The following PPP1R13B variants were observed in gnomAD, a reference collection of about 807,000 sequenced individuals.
The protein encoded by PPP1R13B is apoptosis-stimulating of p53 protein 1.
In PPP1R13B, 44 loss-of-function variants were observed where a neutral mutation model predicts 119.8. The ratio of observed to expected loss-of-function variants is 0.37; its 90% CI spans 0.29 to 0.47. The LOEUF (loss-of-function observed/expected upper bound fraction) is 0.47, where lower values mean the gene tolerates loss of function less well. Among genes scored for constraint, PPP1R13B ranks in the 20% least tolerant of loss-of-function variants. The pLI, the probability that PPP1R13B is intolerant of heterozygous loss-of-function variation, is 0.99. For synonymous variants in PPP1R13B, 542 were observed against 561.5 expected (o/e 0.97, Z 0.49); for missense variants, 1,227 against 1,413.5 (o/e 0.87, Z 2.12).
At chr14:103,811,835 T>A (rs2086163291) in intron 1 of PPP1R13B, among the ~76,000 whole-genome samples, 1 of 151,634 alleles carries the variant, frequency 6.6e-6, no homozygotes, top group Admixed American at 6.6e-5. Flanking sequence ...GGCTGGCAGA[T>A]CATGAGGTCA....
At chr14:103,819,935 C>T (rs1242316165) in intron 1 of PPP1R13B, among the ~76,000 whole-genome samples, 1 of 152,176 alleles carries the variant, frequency 6.6e-6, no homozygotes, top group East Asian at 1.9e-4. Flanking sequence ...CAGTACTTAT[C>T]CCAGACCCAC....
At chr14:103,765,722 C>G (rs985457548) in intron 4 of PPP1R13B, among the ~76,000 whole-genome samples, 2 of 152,172 alleles carry the variant, frequency 1.3e-5, no homozygotes, top group African/African-American at 4.8e-5. Context: ...CACTTAAGAC[C>G]TAGGAGGCAA....
intron 1 of PPP1R13B, among the ~76,000 whole-genome samples, chr14:103,806,733 A>G (rs1015894923): frequency 5.3e-5 from 8 of 152,168 alleles, no homozygotes; most frequent in Non-Finnish European, 7.3e-5. Context: ...AGTTGCTGTC[A>G]TCCACACAGA....
At chr14:103,826,440 T>G (rs144214383) in intron 1 of PPP1R13B, among the ~76,000 whole-genome samples, 5 of 152,136 alleles carry the variant, frequency 3.3e-5, no homozygotes, top group African/African-American at 1.2e-4. Flanking sequence ...CATAAAGAGG[T>G]CTACTCAGGT....
At chr14:103,842,215 T>C (rs985683028) in intron 1 of PPP1R13B, among the ~76,000 whole-genome samples, 2 of 151,500 alleles carry the variant, frequency 1.3e-5, no homozygotes, top group Admixed American at 1.3e-4. Flanking sequence ...CAGAAATAAG[T>C]AGAATCATAG....
At chr14:103,783,855 T>C (rs767285657) in intron 3 of PPP1R13B, among the ~76,000 whole-genome samples, 7 of 152,322 alleles carry the variant, frequency 4.6e-5, no homozygotes, top group Non-Finnish European at 1.0e-4. Flanking sequence ...CCAGGCTTTG[T>C]TTTAAATAAT....
At chr14:103,776,701 T>A (rs573057690) in intron 4 of PPP1R13B, among the ~76,000 whole-genome samples, 4 of 152,114 alleles carry the variant, frequency 2.6e-5, no homozygotes, top group Non-Finnish European at 5.9e-5. Context: ...TGAAACCCCA[T>A]CTCTATTAAA....
At position 103,739,919 on chromosome 14, in the gene PPP1R13B, T is replaced by A. The variant is rs371609004; in HGVS notation, c.2497A>T (p.Ile833Phe). The change falls in exon 12 of 17, where the codon ATC (isoleucine) becomes TTC (phenylalanine). Residue 833 changes from isoleucine to phenylalanine, a missense_variant. Transcript: ENST00000202556. The stretch of plus-strand genomic sequence containing the variant: ...GGGGCCTCAGCCACAGGACTCGGGA[T>A]CTGCTCCGTGGTGGGGACCGTGGCC... The part of the protein sequence containing the change: ...NVATVPTTEQ[I>F]PSPVAEAPSP... 2.5e-5 allele frequency: 41 copies of A among 1,613,988 alleles called. No homozygotes were observed. Among genetic ancestry groups the A allele is most frequent in the Non-Finnish European group, 3.1e-5 (36 of 1,180,036 alleles).
chr14:103,803,166 T>C (rs1164960809), intron 1 of PPP1R13B, among the ~76,000 whole-genome samples: 1 of 152,202 alleles, frequency 6.6e-6, no homozygotes, highest in Non-Finnish European at 1.5e-5. Flanking sequence ...TTGCTTGTAT[T>C]TTAATAACAT....
At chr14:103,752,012 G>T (rs948015503) in intron 7 of PPP1R13B, among the ~76,000 whole-genome samples, 7 of 152,112 alleles carry the variant, frequency 4.6e-5, no homozygotes, top group African/African-American at 1.7e-4. Context: ...GAAAGAAGCC[G>T]GTCACAAAGG....
At chr14:103,753,998 G>A (rs2084613790) in intron 6 of PPP1R13B, 72 bp downstream of exon 6, 1 of 1,509,576 alleles carries the variant, frequency 6.6e-7, no homozygotes, top group African/African-American at 1.4e-5. Context: ...TGAATTGTCA[G>A]GCAGTTAGAC....
At chr14:103,814,305 C>T (rs1388905772) in intron 1 of PPP1R13B, among the ~76,000 whole-genome samples, 6 of 152,060 alleles carry the variant, frequency 3.9e-5, no homozygotes, top group African/African-American at 1.2e-4. Flanking sequence ...GCCGAGATTG[C>T]CCCACTGCAC....
At chr14:103,788,299 C>T (rs1466168436) in intron 2 of PPP1R13B, among the ~76,000 whole-genome samples, 4 of 152,068 alleles carry the variant, frequency 2.6e-5, no homozygotes, top group Non-Finnish European at 5.9e-5. Context: ...TAGATTTTAG[C>T]TTTTTGAGGT....
chr14:103,783,714 A>G (rs77193174), intron 3 of PPP1R13B, among the ~76,000 whole-genome samples: 3,353 of 151,802 alleles, frequency 0.022, 113 homozygotes, highest in African/African-American at 0.076. Flanking sequence ...CAACACAACC[A>G]GCTATTTAGT....
chr14:103,736,274 G>T, intron 15 of PPP1R13B, 72 bp from the exon 16 acceptor site: 1 of 1,500,382 alleles, frequency 6.7e-7, no homozygotes, highest in Non-Finnish European at 9.2e-7. Context: ...TCGAGGAACA[G>T]GACACAGTCG....
At chr14:103,833,357 T>C (rs1415379681) in intron 1 of PPP1R13B, among the ~76,000 whole-genome samples, 1 of 152,026 alleles carries the variant, frequency 6.6e-6, no homozygotes, top group Non-Finnish European at 1.5e-5. Flanking sequence ...TCAATCTTTC[T>C]ACCTGGCCAG....
At chr14:103,845,116 T>G (rs1254069198) in intron 1 of PPP1R13B, among the ~76,000 whole-genome samples, 1 of 152,232 alleles carries the variant, frequency 6.6e-6, no homozygotes, top group African/African-American at 2.4e-5. Context: ...CTTTACATTT[T>G]TATTGGACAG....
At chr14:103,824,067 G>C (rs1473739673) in intron 1 of PPP1R13B, among the ~76,000 whole-genome samples, 1 of 84,268 alleles carries the variant, frequency 1.2e-5, no homozygotes, top group Non-Finnish European at 2.2e-5. Context: ...TTTTTTTTGA[G>C]ATGCAGTCTT....
chr14:103,753,322 G>T, intron 6 of PPP1R13B, 126 bp from the exon 7 acceptor site: 1 of 918,380 alleles, frequency 1.1e-6, no homozygotes, highest in Non-Finnish European at 1.6e-6. Context: ...GTGATATGCA[G>T]AATCCACAAC....
Sources: allele counts gnomAD v4.1 joint callset (sites outside exome capture counted in the v4.1 genomes callset), GRCh38; gene constraint gnomAD v4.1.1; transcripts MANE v1.5; gene names NCBI Gene and HGNC (gene_info 2026-07-23, HGNC 2026-07-21).